The following HERC5 variants were observed in gnomAD, a reference collection of about 807,000 sequenced individuals.
The protein encoded by HERC5 is E3 ISG15--protein ligase HERC5.
A neutral mutation model predicts 119.6 loss-of-function variants in HERC5; 99 were observed. The ratio of observed to expected loss-of-function variants is 0.83; its 90% confidence interval spans 0.70 to 0.98. The LOEUF is 0.98. Ranked by LOEUF, HERC5 falls within the 50% of genes least tolerant of loss-of-function variation. The pLI, the probability that HERC5 is intolerant of heterozygous loss-of-function variation, is 0.00. For synonymous variants in HERC5, 478 were observed against 445.9 expected (o/e 1.07, Z -0.91); for missense variants, 1,267 against 1,241.3 (o/e 1.02, Z -0.31).
chr4:88,467,314 C>T (rs1414939067), intron 7 of HERC5, 110 bp downstream of exon 7: 14 of 1,081,782 alleles, frequency 1.3e-5, no homozygotes, highest in Middle Eastern at 2.1e-4. Flanking sequence ...AAGGGAGTTT[C>T]TCTAAATACT....
In HERC5 at chr4:88,457,346, C is replaced by G. The variant is rs1009678388; in HGVS notation, c.77C>G (p.Ala26Gly). 7.1e-7 allele frequency: 1 copy of G among 1,417,446 alleles called. No homozygotes were observed. Among genetic ancestry groups the G allele is most frequent in the African/African-American group, 1.5e-5 (1 of 66,934 alleles). 87.8% of individuals were successfully genotyped at this position (1,417,446 alleles called of 1,614,324 possible). A position where few individuals can be genotyped will look rare whatever the true frequency, so the allele number is the denominator to read the frequency against. The change falls in exon 1 of 23, where the codon GCG becomes GGG. Residue 26 changes from alanine to glycine, a missense_variant. Ala to Gly is a moderately conservative substitution (Grantham distance 60). Transcript: ENST00000264350. ...TAGKAAATQP[A>G]KSPGAQLWLF... ...GGCAAGGCCGCCGCGACCCAGCCCG[C>G]GAAGTCTCCGGGCGCACAGCTCTGG...
At position 88,494,147 on chromosome 4, in the gene HERC5, T is replaced by A; in HGVS notation, c.2278-18T>A. ...GTAAAAACTCATAATACTTTAAGAT[T>A]TTTTTTTCGCTTTTCAGCCTAAATT... is the stretch of plus-strand genomic sequence containing the variant. On this transcript the variant is annotated intron_variant, in intron 17 of 22. Transcript: ENST00000264350. 6.4e-7 allele frequency: 1 copy of A among 1,562,380 alleles called. No individual in the cohort carries two copies. The highest frequency in any genetic ancestry group is 8.7e-7 in the Non-Finnish European group (1 of 1,146,138).
rs548614272 is a variant in HERC5 at position 88,505,293 on chromosome 4, C to T, written c.2870-380C>T. Among the ~76,000 whole-genome samples, 7 of 152,234 alleles carry T rather than the reference C, an allele frequency of 4.6e-5. No homozygotes were observed. In the East Asian group the frequency reaches 7.7e-4, roughly 17 times the overall value. On this transcript the variant is annotated intron_variant, in intron 22 of 22. Coordinates refer to ENST00000264350, the MANE Select transcript of HERC5 (RefSeq NM_016323.4). ...CTAAACCTTTCCATCCTTAAAGGTC[C>T]GGCATAATTCTGAACTCTTGGAAAT...
intron 7 of HERC5, 99 bp from the exon 8 acceptor site, chr4:88,468,247 A>G (rs1740743134): frequency 1.2e-6 from 1 of 829,970 alleles, no homozygotes; most frequent in East Asian, 2.5e-5. Context: ...AGAAGAAAAG[A>G]TGACTACGTT....
At chr4:88,500,742 A>G (rs1205388776) in intron 19 of HERC5, among the ~76,000 whole-genome samples, 173 bp from the exon 20 acceptor site, 1 of 152,230 alleles carries the variant, frequency 6.6e-6, no homozygotes, top group Non-Finnish European at 1.5e-5. Context: ...ATTTATTTTT[A>G]TTCAGTATGA....
At chr4:88,486,938 G>T in intron 14 of HERC5, 131 bp from the exon 15 acceptor site, 1 of 571,732 alleles carries the variant, frequency 1.7e-6, no homozygotes, top group Non-Finnish European at 3.1e-6. Context: ...TGGTACTATG[G>T]ACCAGTAATT....
chr4:88,467,034 G>A (rs776435312), intron 6 of HERC5, 25 bp from the exon 7 acceptor site: 3 of 1,611,404 alleles, frequency 1.9e-6, no homozygotes, highest in Admixed American at 1.7e-5. Context: ...ATTAAGAATT[G>A]ACCATATGTG....
chr4:88,458,968 A>G (rs1315269331), intron 1 of HERC5, among the ~76,000 whole-genome samples: 2 of 152,128 alleles, frequency 1.3e-5, no homozygotes, highest in East Asian at 1.9e-4. Context: ...AGAATACACT[A>G]TTTGTTCTTG....
intron 11 of HERC5, among the ~76,000 whole-genome samples, chr4:88,474,481 C>G (rs1740986172): frequency 6.6e-6 from 1 of 152,106 alleles, no homozygotes; most frequent in South Asian, 2.1e-4. Context: ...TGATGATGAG[C>G]AAGGAGGTAG....
At position 88,459,352 on chromosome 4, in the gene HERC5, A is replaced by T; in HGVS notation, c.271A>T (p.Ile91Phe). The change falls in exon 2 of 23, where the codon ATT (isoleucine) becomes TTT (phenylalanine). Residue 91 changes from isoleucine (I) to phenylalanine (F), a missense_variant. Ile to Phe is a conservative substitution (Grantham distance 21). Transcript: ENST00000264350. ...GSGGARTPKC[I>F]KLGKNMKIHS... ...TGGTTGGATTTGCTCTGTAGAATGCATTAAATTAGGAAAAAACATGAAGAT... is the reference window on the plus strand; with the variant it reads ...TGGTTGGATTTGCTCTGTAGAATGCTTTAAATTAGGAAAAAACATGAAGAT... The T allele has an allele frequency of 6.3e-7, 1 of 1,585,372 alleles. No homozygotes were observed. The highest frequency in any genetic ancestry group is 8.5e-7 in the Non-Finnish European group (1 of 1,170,260).
intron 19 of HERC5, among the ~76,000 whole-genome samples, 177 bp from the exon 20 acceptor site, chr4:88,500,732 ATTTATT>A (rs983449020): frequency 5.9e-5 from 9 of 152,242 alleles, no homozygotes; most frequent in African/African-American, 1.7e-4. Context: ...CTTTGAAAAA[ATTTATT>A]TTTATTCAGT....
Position 88,489,155 on chromosome 4 carries a change from T to C in HERC5, c.1963-11T>C. ...AAATGAAGTGTAATATTTCTGTTTC[T>C]GTTTTCCTAGAGTAAAAAACATAAA... On this transcript the variant is annotated splice_polypyrimidine_tract_variant and intron_variant, in intron 15 of 22. Coordinates refer to ENST00000264350, the MANE Select transcript of HERC5 (RefSeq NM_016323.4). 1 of 1,592,910 alleles carries C rather than the reference T, an allele frequency of 6.3e-7. No homozygotes were observed. The highest frequency in any genetic ancestry group is 8.5e-7 in the Non-Finnish European group (1 of 1,172,396).
At chr4:88,499,805 G>T (rs3733446) in intron 18 of HERC5, 121 bp from the exon 19 acceptor site, 68,090 of 643,434 alleles carry the variant, frequency 0.11, 4,250 homozygotes, top group Admixed American at 0.2. Flanking sequence ...AGAAAGAGGT[G>T]CTGTGAACTA....
intron 10 of HERC5, among the ~76,000 whole-genome samples, chr4:88,471,645 A>G (rs1398922467): frequency 6.6e-6 from 1 of 152,148 alleles, no homozygotes. Context: ...AGCCGGTAAC[A>G]TAATTTAATG....
Position 88,457,476 on chromosome 4 carries a change from CG to C in HERC5, c.211del (p.Ala71ArgfsTer23). The C allele has an allele frequency of 7.6e-7, 1 of 1,321,956 alleles. No individual in the cohort carries two copies. The highest frequency in any genetic ancestry group is 9.6e-7 in the Non-Finnish European group (1 of 1,036,586). 81.9% of individuals were successfully genotyped at this position (1,321,956 alleles called of 1,614,324 possible). On this transcript the variant is annotated frameshift_variant, in exon 1 of 23. Coordinates refer to ENST00000264350, the MANE Select transcript of HERC5 (RefSeq NM_016323.4). LOFTEE classifies it high-confidence loss of function. The part of the protein sequence containing the change: ...PGRLAVLERG[G>X]AGVQVHQLLA... The stretch of plus-strand genomic sequence containing the variant: ...GGCGCCTCGCGGTCTTGGAACGCGG[CG>C]GGGCGGGCGTCCAGGTTCACCAGCT...
intron 1 of HERC5, chr4:88,458,003 C>T (rs1443206692): frequency 2.0e-6 from 2 of 988,238 alleles, no homozygotes. Flanking sequence ...GAAATAGTTG[C>T]CCGCGTTCTT....
intron 8 of HERC5, among the ~76,000 whole-genome samples, chr4:88,468,811 C>CA (rs1004083870): frequency 2.6e-5 from 4 of 152,238 alleles, no homozygotes; most frequent in African/African-American, 9.6e-5. Context: ...TGCCCTACTT[C>CA]ACCAAGTGAA....
At chr4:88,483,519 C>CTTT (rs1162985782) in intron 13 of HERC5, among the ~76,000 whole-genome samples, 23 of 83,166 alleles carry the variant, frequency 2.8e-4, no homozygotes, top group East Asian at 1.3e-3. Flanking sequence ...GCTCTATAGG[C>CTTT]TTTTTTTTTT....
intron 18 of HERC5, among the ~76,000 whole-genome samples, chr4:88,496,569 G>GA (rs1291215463): frequency 6.6e-6 from 1 of 152,048 alleles, no homozygotes; most frequent in Non-Finnish European, 1.5e-5. Flanking sequence ...AATGGAACTG[G>GA]AAAAAAATGA....
Sources: allele counts gnomAD v4.1 joint callset (sites outside exome capture counted in the v4.1 genomes callset), GRCh38; gene constraint gnomAD v4.1.1; transcripts MANE v1.5; gene names NCBI Gene and HGNC (gene_info 2026-07-23, HGNC 2026-07-21).